GPATCH2: variants seen among roughly 807,000 people sequenced by gnomAD.
The protein encoded by GPATCH2 is G-patch domain containing 2.
In GPATCH2, 51 loss-of-function variants were observed where a neutral mutation model predicts 58.0. The ratio of observed to expected loss-of-function variants is 0.88; its 90% CI spans 0.70 to 1.11. The LOEUF (loss-of-function observed/expected upper bound fraction) is 1.11, where lower values mean the gene tolerates loss of function less well. Among genes scored for constraint, GPATCH2 ranks in the 50% most tolerant of loss-of-function variants. The pLI, the probability that GPATCH2 is intolerant of heterozygous loss-of-function variation, is 0.00. For missense variants in GPATCH2, 625 were observed against 652.2 expected, an observed-to-expected ratio of 0.96 and a Z score of 0.45; for synonymous variants, 222 against 218.5, an observed-to-expected ratio of 1.02 and a Z score of -0.14.
intron 5 of GPATCH2, among the ~76,000 whole-genome samples, chr1:217,564,097 A>C (rs1666078767): frequency 6.7e-6 from 1 of 149,596 alleles, no homozygotes; most frequent in Admixed American, 6.7e-5. Context: ...ACGATAATTT[A>C]TTCCAGAATA....
At chr1:217,596,499 C>T (rs1667835545) in intron 5 of GPATCH2, among the ~76,000 whole-genome samples, 1 of 151,976 alleles carries the variant, frequency 6.6e-6, no homozygotes, top group East Asian at 1.9e-4. Flanking sequence ...TTTTTGTGAA[C>T]ATTAAATGAT....
intron 9 of GPATCH2, among the ~76,000 whole-genome samples, chr1:217,439,553 C>G (rs981685192): frequency 6.6e-6 from 1 of 151,854 alleles, no homozygotes; most frequent in Non-Finnish European, 1.5e-5. Flanking sequence ...TACGAAAAAC[C>G]CTTCAAAAAA....
intron 5 of GPATCH2, among the ~76,000 whole-genome samples, chr1:217,590,783 C>T (rs991978061): frequency 4.6e-5 from 7 of 152,152 alleles, no homozygotes; most frequent in African/African-American, 7.2e-5. Flanking sequence ...AGTTCCTTTA[C>T]AGTTACAAAG....
In GPATCH2 at chr1:217,530,255, G is replaced by C. The variant is rs149837492; in HGVS notation, c.1099-15366C>G. ...AGCACAGAGATGAAAACTGGGCTAT[G>C]GAGCCAGACTGCCTGGGTCCAAATA... On this transcript the variant is annotated intron_variant, in intron 5 of 9. Transcript: ENST00000366935. 5.5e-3 allele frequency among the ~76,000 whole-genome samples: 832 copies of C among 152,276 alleles called. 11 individuals carry two copies. The highest frequency in any genetic ancestry group is 0.019 in the African/African-American group (778 of 41,558).
chr1:217,570,561 T>C (rs1571938583), intron 5 of GPATCH2, among the ~76,000 whole-genome samples: 1 of 152,180 alleles, frequency 6.6e-6, no homozygotes, highest in African/African-American at 2.4e-5. Flanking sequence ...TCTAGGTTCA[T>C]GTAGATATTC....
intron 8 of GPATCH2, among the ~76,000 whole-genome samples, chr1:217,468,910 TATG>T (rs1190889587): frequency 6.6e-6 from 1 of 152,150 alleles, no homozygotes; most frequent in Non-Finnish European, 1.5e-5. Context: ...AAAAATTTTC[TATG>T]ATAAAATATT....
At chr1:217,461,680 G>T (rs1393532142) in intron 8 of GPATCH2, among the ~76,000 whole-genome samples, 1 of 152,066 alleles carries the variant, frequency 6.6e-6, no homozygotes, top group Non-Finnish European at 1.5e-5. Context: ...AAACATATTT[G>T]TTCCATTTCT....
At chr1:217,574,300 A>G (rs1666705792) in intron 5 of GPATCH2, among the ~76,000 whole-genome samples, 1 of 152,172 alleles carries the variant, frequency 6.6e-6, no homozygotes. Flanking sequence ...GGACTATCCT[A>G]GCCCGAGCCC....
intron 5 of GPATCH2, among the ~76,000 whole-genome samples, chr1:217,602,805 T>A (rs935789422): frequency 3.3e-5 from 5 of 152,224 alleles, no homozygotes; most frequent in Non-Finnish European, 5.9e-5. Flanking sequence ...ACATCTTGAT[T>A]GTGCTTGCCA....
chr1:217,604,871 C>G (rs545270292), intron 5 of GPATCH2, among the ~76,000 whole-genome samples: 6 of 152,100 alleles, frequency 3.9e-5, no homozygotes, highest in African/African-American at 1.4e-4. Context: ...ACTAAAAATA[C>G]AAAAATTAGC....
At chr1:217,441,910 C>T (rs1372215920) in intron 9 of GPATCH2, among the ~76,000 whole-genome samples, 1 of 152,072 alleles carries the variant, frequency 6.6e-6, no homozygotes, top group Non-Finnish European at 1.5e-5. Context: ...CAAATTAGTT[C>T]AACCATTGTG....
At chr1:217,559,274 T>C (rs1454029524) in intron 5 of GPATCH2, among the ~76,000 whole-genome samples, 1 of 151,752 alleles carries the variant, frequency 6.6e-6, no homozygotes, top group Non-Finnish European at 1.5e-5. Context: ...TCAAACACTA[T>C]ACTATGCCAT....
intron 8 of GPATCH2, among the ~76,000 whole-genome samples, chr1:217,485,459 CTTTT>C (rs56048191): frequency 2.2e-5 from 3 of 137,048 alleles, no homozygotes; most frequent in Non-Finnish European, 4.8e-5. Flanking sequence ...GGTTGAATAT[CTTTT>C]TTTTTTTTTT....
intron 5 of GPATCH2, among the ~76,000 whole-genome samples, chr1:217,605,026 A>G (rs1438993196): frequency 6.6e-6 from 1 of 151,878 alleles, no homozygotes; most frequent in Non-Finnish European, 1.5e-5. Context: ...TCTGTCTCAA[A>G]ATAAAATAAA....
At chr1:217,559,059 A>G (rs534419494) in intron 5 of GPATCH2, among the ~76,000 whole-genome samples, 1 of 152,280 alleles carries the variant, frequency 6.6e-6, no homozygotes, top group East Asian at 1.9e-4. Flanking sequence ...AGGAATATGT[A>G]TAATAATATT....
chr1:217,545,817 A>G (rs17046592), intron 5 of GPATCH2, among the ~76,000 whole-genome samples: 4,154 of 152,330 alleles, frequency 0.027, 131 homozygotes, highest in East Asian at 0.14. Flanking sequence ...TCAAATAAAG[A>G]TGAAATGATT....
At chr1:217,506,413 C>T (rs530171892) in intron 6 of GPATCH2, among the ~76,000 whole-genome samples, 1 of 152,146 alleles carries the variant, frequency 6.6e-6, no homozygotes, top group African/African-American at 2.4e-5. Flanking sequence ...ACTCCTAACC[C>T]AATATACTAT....
At chr1:217,580,008 A>G (rs554740363) in intron 5 of GPATCH2, among the ~76,000 whole-genome samples, 59 of 152,298 alleles carry the variant, frequency 3.9e-4, no homozygotes, top group African/African-American at 1.3e-3. Context: ...ATTTACTCCA[A>G]GAAAAGTACA....
chr1:217,538,614 C>T (rs1324306442), intron 5 of GPATCH2, among the ~76,000 whole-genome samples: 1 of 152,126 alleles, frequency 6.6e-6, no homozygotes, highest in Admixed American at 6.6e-5. Flanking sequence ...CCCATTGAAA[C>T]TTAGCAAATG....
Sources: allele counts gnomAD v4.1 joint callset (sites outside exome capture counted in the v4.1 genomes callset), GRCh38; gene constraint gnomAD v4.1.1; transcripts MANE v1.5; gene names NCBI Gene and HGNC (gene_info 2026-07-23, HGNC 2026-07-21).